EIF3H: variants seen among roughly 807,000 people sequenced by gnomAD.
EIF3H encodes the protein eukaryotic translation initiation factor 3 subunit H, also known as eIF-3-gamma.
A neutral mutation model predicts 44.2 loss-of-function variants in EIF3H; 26 were observed. That is an observed-to-expected ratio of 0.59 (90% CI 0.43 to 0.82). EIF3H has a LOEUF of 0.82. EIF3H is among the 40% of genes least tolerant of loss of function. EIF3H has a pLI of 0.00. For missense variants in EIF3H, 359 were observed against 432.8 expected, an observed-to-expected ratio of 0.83 and a Z score of 1.51; for synonymous variants, 166 against 151.9, an observed-to-expected ratio of 1.09 and a Z score of -0.68.
At chr8:116,654,644 G>C (rs1022157679) in intron 5 of EIF3H, among the ~76,000 whole-genome samples, 9 of 152,144 alleles carry the variant, frequency 5.9e-5, no homozygotes, top group Admixed American at 1.3e-4. Context: ...ATGAATATAT[G>C]TTTGCAGTCA....
intron 2 of EIF3H, among the ~76,000 whole-genome samples, chr8:116,670,556 CTA>C (rs2130816107): frequency 6.6e-6 from 1 of 152,332 alleles, no homozygotes; most frequent in East Asian, 1.9e-4. Flanking sequence ...GTGATCCAGA[CTA>C]TTACTTTCCA....
At chr8:116,716,704 ACTG>A (rs1445306341) in intron 2 of EIF3H, among the ~76,000 whole-genome samples, 1 of 152,002 alleles carries the variant, frequency 6.6e-6, no homozygotes, top group African/African-American at 2.4e-5. Context: ...CAACTACTCA[ACTG>A]TGCCACTGTA....
At chr8:116,672,306 C>T (rs1202936342) in intron 2 of EIF3H, among the ~76,000 whole-genome samples, 1 of 152,080 alleles carries the variant, frequency 6.6e-6, no homozygotes, top group Non-Finnish European at 1.5e-5. Context: ...ATCCTAATAA[C>T]CTGAAATGAA....
chr8:116,693,678 T>C (rs895804399), intron 2 of EIF3H, among the ~76,000 whole-genome samples: 2 of 152,012 alleles, frequency 1.3e-5, no homozygotes, highest in Middle Eastern at 3.4e-3. Flanking sequence ...TTCCAGTTTA[T>C]GTACATTTCT....
chr8:116,645,132 T>C (rs1813277788), intron 7 of EIF3H, 29 bp from the exon 8 acceptor site: 2 of 1,538,788 alleles, frequency 1.3e-6, no homozygotes. Context: ...GATAGAGCCA[T>C]AATGTTCCAC....
Position 116,665,518 on chromosome 8 carries a change from G to A in EIF3H, c.290-6538C>T, listed in dbSNP as rs181481330. ...AAAAAAACCCACAAAGCTCAATCAG[G>A]AGATGCAAATAGCTTAAAAAGCAAG... On this transcript the variant is annotated intron_variant, in intron 2 of 7. Coordinates refer to ENST00000521861, the MANE Select transcript of EIF3H (RefSeq NM_003756.3). Among the ~76,000 whole-genome samples the A allele has an allele frequency of 1.5e-4, 23 of 152,168 alleles. No individual in the cohort carries two copies. The East Asian group carries it at 4.2e-3, about 28-fold the overall frequency.
chr8:116,659,055 T>G, intron 2 of EIF3H, 75 bp from the exon 3 acceptor site: 1 of 1,259,540 alleles, frequency 7.9e-7, no homozygotes, highest in South Asian at 1.6e-5. Flanking sequence ...CAAGCCGTTT[T>G]GGAAACAAAT....
intron 2 of EIF3H, among the ~76,000 whole-genome samples, chr8:116,683,147 C>T (rs1814018067): frequency 6.6e-6 from 1 of 152,168 alleles, no homozygotes; most frequent in African/African-American, 2.4e-5. Flanking sequence ...ATGAATTTAT[C>T]TCCTTAGTAT....
chr8:116,691,573 A>G (rs915405240), intron 2 of EIF3H, among the ~76,000 whole-genome samples: 2 of 151,802 alleles, frequency 1.3e-5, no homozygotes, highest in Non-Finnish European at 2.9e-5. Context: ...AAAAAAGCCT[A>G]TAAAAGAAAT....
At chr8:116,756,666 GT>G (rs1389298836), upstream of EIF3H, among the ~76,000 whole-genome samples, 7 of 152,156 alleles carry the variant, frequency 4.6e-5, no homozygotes, top group East Asian at 1.9e-4. Context: ...CTGCCCTGAA[GT>G]TTTTTGTTGT....
chr8:116,660,959 T>A (rs1044805339), intron 2 of EIF3H, among the ~76,000 whole-genome samples: 1 of 152,228 alleles, frequency 6.6e-6, no homozygotes, highest in African/African-American at 2.4e-5. Flanking sequence ...AAAAGCAGTA[T>A]GAAATATGAT....
chr8:116,685,528 C>A (rs972163779), intron 2 of EIF3H, among the ~76,000 whole-genome samples: 1 of 152,184 alleles, frequency 6.6e-6, no homozygotes, highest in African/African-American at 2.4e-5. Flanking sequence ...CCCAAATATA[C>A]TAACCTAGGC....
chr8:116,709,326 G>A (rs1374197966), intron 2 of EIF3H, among the ~76,000 whole-genome samples: 1 of 152,116 alleles, frequency 6.6e-6, no homozygotes, highest in Non-Finnish European at 1.5e-5. Flanking sequence ...TATTTTAAAT[G>A]TTTTAGAAAT....
At chr8:116,727,754 T>C (rs574602587) in intron 1 of EIF3H, among the ~76,000 whole-genome samples, 1 of 152,372 alleles carries the variant, frequency 6.6e-6, no homozygotes, top group South Asian at 2.1e-4. Flanking sequence ...TATTTTTTAG[T>C]AGAATTGTTT....
intron 3 of EIF3H, chr8:116,658,611 C>T: frequency 2.0e-6 from 1 of 511,778 alleles, no homozygotes; most frequent in Non-Finnish European, 3.4e-6. Context: ...AAAATGTACA[C>T]ATCAGGGCTC....
At chr8:116,686,189 C>T (rs1247855243) in intron 2 of EIF3H, among the ~76,000 whole-genome samples, 1 of 152,052 alleles carries the variant, frequency 6.6e-6, no homozygotes, top group African/African-American at 2.4e-5. Context: ...ATCACAAAAG[C>T]CTTACACAAC....
At chr8:116,697,897 A>T (rs1173210703) in intron 2 of EIF3H, among the ~76,000 whole-genome samples, 2 of 152,212 alleles carry the variant, frequency 1.3e-5, no homozygotes, top group Non-Finnish European at 2.9e-5. Context: ...CCAGACACAC[A>T]ATGAACTAAT....
chr8:116,667,877 C>G (rs562862164), intron 2 of EIF3H, among the ~76,000 whole-genome samples: 45 of 152,234 alleles, frequency 3.0e-4, no homozygotes, highest in Admixed American at 7.8e-4. Context: ...ATTTCCTCAC[C>G]TAGAAAATAA....
intron 2 of EIF3H, among the ~76,000 whole-genome samples, chr8:116,661,397 T>G (rs1813584517): frequency 6.6e-6 from 1 of 152,206 alleles, no homozygotes; most frequent in Non-Finnish European, 1.5e-5. Flanking sequence ...GTCTGCCAAC[T>G]TATAATAGCA....
Sources: gnomAD v4.1 joint callset for allele counts (sites outside exome capture counted in the v4.1 genomes callset) on GRCh38, gnomAD v4.1.1 for gene constraint, MANE v1.5 for transcripts, NCBI Gene and HGNC (gene_info 2026-07-23, HGNC 2026-07-21) for gene names.